The following HERC2 variants were observed in gnomAD, a reference collection of about 807,000 sequenced individuals.
HERC2 encodes E3 ubiquitin-protein ligase HERC2.
HERC2 carries 102 observed loss-of-function variants against 537.7 expected under a neutral mutation model. The observed-to-expected ratio is 0.19, with a 90% CI of 0.16 to 0.22. The LOEUF (loss-of-function observed/expected upper bound fraction) is 0.22. HERC2 is among the 10% of genes least tolerant of loss of function. HERC2 has a pLI of 1.00. For missense variants in HERC2, 4,236 were observed against 6,198.2 expected (o/e 0.68, Z 10.63); for synonymous variants, 2,224 against 2,466.2 (o/e 0.90, Z 2.91).
chr15:28,138,564 C>T (rs1448096947), intron 78 of HERC2, among the ~76,000 whole-genome samples: 3 of 151,810 alleles, frequency 2.0e-5, no homozygotes, highest in African/African-American at 7.3e-5. Flanking sequence ...TATTTTAAGC[C>T]CACTATTGAG....
intron 57 of HERC2, among the ~76,000 whole-genome samples, chr15:28,180,593 G>C (rs1234439470): frequency 1.3e-5 from 2 of 152,280 alleles, no homozygotes; most frequent in South Asian, 4.1e-4. Flanking sequence ...CTGTACCAGG[G>C]ACATGAGGGT....
At chr15:28,314,913 C>T in intron 2 of HERC2, among the ~76,000 whole-genome samples, 1 of 151,892 alleles carries the variant, frequency 6.6e-6, no homozygotes, top group African/African-American at 2.4e-5. Context: ...ATCTGACATT[C>T]AAATTTTCCT....
chr15:28,133,835 T>C lies in HERC2; in HGVS notation c.12231-1005A>G, dbSNP rs554261774. Among the ~76,000 whole-genome samples the C allele has an allele frequency of 2.4e-3, 371 of 152,342 alleles. 5 individuals carry two copies. Among genetic ancestry groups the C allele is most frequent in the African/African-American group, 8.6e-3 (357 of 41,576 alleles). The stretch of plus-strand genomic sequence containing the variant: ...TTTCTGGATTCCCTATTCTGCTCCA[T>C]TGATGTATCTGTCTCTCTCTTTTTG... On this transcript the variant is annotated intron_variant, in intron 79 of 92. Transcript: ENST00000261609.
rs1287615717 is a variant in HERC2 at position 28,167,846 on chromosome 15, G to A, written c.10414-19C>T. 6.3e-7 allele frequency: 1 copy of A among 1,584,024 alleles called. No homozygotes were observed. Among genetic ancestry groups the A allele is most frequent in the Non-Finnish European group, 8.6e-7 (1 of 1,168,178 alleles). Reference sequence around the variant, plus strand: ...AAACAATCTAGTCCAAGAGTGCACAGTAGGGGAAGTTTAAGTGGAAAAACT... The same window carrying A: ...AAACAATCTAGTCCAAGAGTGCACAATAGGGGAAGTTTAAGTGGAAAAACT... On this transcript the variant is annotated intron_variant, in intron 67 of 92. Transcript: ENST00000261609.
At chr15:28,161,093 C>T (rs1334217424) in intron 69 of HERC2, among the ~76,000 whole-genome samples, 1 of 152,054 alleles carries the variant, frequency 6.6e-6, no homozygotes, top group Admixed American at 6.6e-5. Flanking sequence ...AATAACAAGC[C>T]CCTAAAATAT....
Position 28,169,486 on chromosome 15 carries a change from G to A in HERC2, c.10227C>T (p.Ala3409=), listed in dbSNP as rs757700499. Residue 3409 remains alanine, a splice_region_variant and synonymous_variant, in exon 66 of 93, where the codon GCC becomes GCT. Transcript: ENST00000261609. ...CAAAAATTAGCACAGAAGCCTACCT[G>A]GCATACATGATTTGCAATGCTGTAA... ...HILTALQIMY[A]RDAVVGALMP... is the part of the protein sequence containing the mutation. 3 of 1,580,464 alleles carry A rather than the reference G, an allele frequency of 1.9e-6. No homozygotes were observed. The East Asian group carries it at 6.8e-5, about 36-fold the overall frequency.
rs201221568 is a variant in HERC2, at chr15:28,132,083, G to C, written c.12570+17C>G. ...GTGAGCTGGGAGAGCACTGGGCAGGGAAAGAATGGGAAATACCTTCATAGG... is the reference window on the plus strand; with the variant it reads ...GTGAGCTGGGAGAGCACTGGGCAGGCAAAGAATGGGAAATACCTTCATAGG... On this transcript the variant is annotated intron_variant, in intron 81 of 92. Transcript: ENST00000261609. The C allele has an allele frequency of 7.0e-6, 11 of 1,575,210 alleles. No individual in the cohort carries two copies. In the African/African-American group the frequency reaches 1.5e-4, roughly 21 times the overall value.
chr15:28,121,806 C>T (rs949794660), intron 85 of HERC2, among the ~76,000 whole-genome samples: 1 of 152,250 alleles, frequency 6.6e-6, no homozygotes, highest in African/African-American at 2.4e-5. Context: ...AGCAAGCCCA[C>T]CCGTGGCAGG....
At chr15:28,274,067 C>T (rs987604539) in intron 7 of HERC2, among the ~76,000 whole-genome samples, 2 of 152,150 alleles carry the variant, frequency 1.3e-5, no homozygotes, top group Non-Finnish European at 2.9e-5. Context: ...CTCTCTCATC[C>T]GTCTCATTTA....
rs199850400 is a variant in HERC2 at position 28,179,191 on chromosome 15, T to C, written c.8970A>G (p.Ser2990=). The change falls in exon 58 of 93, where the codon TCA becomes TCG. Residue 2990 remains serine (S), a synonymous_variant. Coordinates refer to ENST00000261609, the MANE Select transcript of HERC2 (RefSeq NM_004667.6). ...IKVPSFSETL[S]ALNVVQVAGG... Reference sequence around the variant, plus strand: ...CAGCCACCTGTACCACATTCAAAGCTGACAGTGTCTCAGAGAACGAAGGAA... The same window carrying C: ...CAGCCACCTGTACCACATTCAAAGCCGACAGTGTCTCAGAGAACGAAGGAA... 193 of 1,612,548 alleles carry C rather than the reference T, an allele frequency of 1.2e-4. No individual in the cohort carries two copies. The highest frequency in any genetic ancestry group is 1.5e-4 in the Non-Finnish European group (182 of 1,179,482).
At chr15:28,282,171 C>T (rs1019393867) in intron 4 of HERC2, among the ~76,000 whole-genome samples, 25 of 152,096 alleles carry the variant, frequency 1.6e-4, no homozygotes, top group Admixed American at 7.2e-4. Flanking sequence ...CAGCTGCCAG[C>T]GATGAGGTGA....
chr15:28,113,177 T>TC lies in HERC2; in HGVS notation c.14125dup (p.Glu4709GlyfsTer40). ...AGAGCGCTCTGTGTTGGAGAAGGAC[T>TC]CCATCACCTCCCAGAACCACTGGAT... On this transcript the variant is annotated frameshift_variant, in exon 92 of 93. Transcript: ENST00000261609. LOFTEE classifies it high-confidence loss of function. The surrounding 1 kb of genome is among the most constrained non-coding windows in gnomAD (Gnocchi z 7.0). The TC allele has an allele frequency of 1.2e-6, 2 of 1,614,102 alleles. No individual in the cohort carries two copies. Among genetic ancestry groups the TC allele is most frequent in the Non-Finnish European group, 1.7e-6 (2 of 1,180,026 alleles).
intron 14 of HERC2, among the ~76,000 whole-genome samples, chr15:28,264,752 T>C (rs2075515754): frequency 6.6e-6 from 1 of 152,176 alleles, no homozygotes; most frequent in African/African-American, 2.4e-5. Context: ...CGGGAAATAT[T>C]TTAAGGTCTG....
intron 71 of HERC2, 88 bp from the exon 72 acceptor site, chr15:28,144,892 C>T (rs1891581719): frequency 1.1e-5 from 17 of 1,559,960 alleles, no homozygotes; most frequent in East Asian, 2.3e-5. Flanking sequence ...GAATGATTTC[C>T]GTCACGTGTG....
intron 2 of HERC2, among the ~76,000 whole-genome samples, chr15:28,319,948 CT>C (rs1167633672): frequency 6.6e-6 from 1 of 152,188 alleles, no homozygotes; most frequent in Non-Finnish European, 1.5e-5. Flanking sequence ...GTACTCATCT[CT>C]CACCTCTCCC....
At chr15:28,270,171 C>A (rs1420970686) in intron 10 of HERC2, among the ~76,000 whole-genome samples, 1 of 151,922 alleles carries the variant, frequency 6.6e-6, no homozygotes, top group African/African-American at 2.4e-5. Flanking sequence ...CCAAGTTGGC[C>A]AGGCTGGAGA....
intron 44 of HERC2, among the ~76,000 whole-genome samples, chr15:28,209,102 A>C (rs528072742): frequency 6.6e-6 from 1 of 152,322 alleles, no homozygotes; most frequent in South Asian, 2.1e-4. Context: ...CTATTTCACT[A>C]AACAGATAAC....
At chr15:28,225,046 T>A (rs1365761705) in intron 35 of HERC2, among the ~76,000 whole-genome samples, 2 of 152,170 alleles carry the variant, frequency 1.3e-5, no homozygotes, top group African/African-American at 4.8e-5. Context: ...TGATCTCAAA[T>A]CAATAACTTA....
At chr15:28,289,274 G>A (rs1484755571) in intron 4 of HERC2, among the ~76,000 whole-genome samples, 6 of 152,200 alleles carry the variant, frequency 3.9e-5, no homozygotes, top group Admixed American at 2.0e-4. Context: ...AACACACCAC[G>A]CAAACACCAA....
Sources: gnomAD v4.1 joint callset for allele counts (sites outside exome capture counted in the v4.1 genomes callset) on GRCh38, gnomAD v4.1.1 for gene constraint, Gnocchi (gnomAD v3.1) non-coding constraint, MANE v1.5 for transcripts, NCBI Gene and HGNC (gene_info 2026-07-23, HGNC 2026-07-21) for gene names.